FLACC1: variants seen among roughly 807,000 people sequenced by gnomAD.
The protein encoded by FLACC1 is flagellum-associated coiled-coil domain-containing protein 1.
Under a neutral mutation model 62.8 loss-of-function variants are expected in FLACC1, and 66 were observed. That is an observed-to-expected ratio of 1.05 (90% confidence interval 0.86 to 1.29). The LOEUF (loss-of-function observed/expected upper bound fraction) is 1.29, where lower values mean the gene tolerates loss of function less well. FLACC1 is among the 50% of genes most tolerant of loss of function. The pLI is 0.00. For missense variants in FLACC1, 452 were observed against 489.1 expected, an observed-to-expected ratio of 0.92 and a Z score of 0.71; for synonymous variants, 156 against 161.0, an observed-to-expected ratio of 0.97 and a Z score of 0.24.
chr2:201,309,114 C>T, intron 10 of FLACC1, 37 bp downstream of exon 10: 1 of 1,557,098 alleles, frequency 6.4e-7, no homozygotes, highest in Non-Finnish European at 8.9e-7. Flanking sequence ...TTTTTTAATG[C>T]ACTTGTCATC....
chr2:201,345,370 A>T (rs1950890396), intron 5 of FLACC1, among the ~76,000 whole-genome samples: 1 of 151,584 alleles, frequency 6.6e-6, no homozygotes, highest in South Asian at 2.1e-4. Context: ...CTCACCCTCA[A>T]CCTGAATCCC....
chr2:201,316,109 G>A (rs1950303220), intron 9 of FLACC1, among the ~76,000 whole-genome samples: 1 of 152,016 alleles, frequency 6.6e-6, no homozygotes, highest in Non-Finnish European at 1.5e-5. Flanking sequence ...AAGTCTGAAA[G>A]AGCAAAAACA....
chr2:201,348,986 G>A (rs897648954), intron 3 of FLACC1, among the ~76,000 whole-genome samples: 5 of 152,144 alleles, frequency 3.3e-5, no homozygotes, highest in Non-Finnish European at 7.3e-5. Flanking sequence ...GTGATTACAT[G>A]GGATCTGGGA....
At chr2:201,348,225 T>C (rs773578571) in intron 4 of FLACC1, 29 bp downstream of exon 4, 7 of 1,608,200 alleles carry the variant, frequency 4.4e-6, no homozygotes, top group Admixed American at 3.4e-5. Context: ...TAAATTTTAG[T>C]CCCACCGCCC....
chr2:201,354,082 G>T (rs1951075841), intron 1 of FLACC1, among the ~76,000 whole-genome samples: 1 of 152,166 alleles, frequency 6.6e-6, no homozygotes, highest in Non-Finnish European at 1.5e-5. Flanking sequence ...ATCAACCTTT[G>T]TCTCCAACAC....
chr2:201,319,985 G>T (rs1950372864), intron 9 of FLACC1, among the ~76,000 whole-genome samples: 1 of 152,182 alleles, frequency 6.6e-6, no homozygotes, highest in South Asian at 2.1e-4. Flanking sequence ...ATTACTCCTG[G>T]AATACACACC....
intron 11 of FLACC1, among the ~76,000 whole-genome samples, chr2:201,306,531 C>T (rs1255433483): frequency 6.6e-6 from 1 of 152,016 alleles, no homozygotes; most frequent in African/African-American, 2.4e-5. Context: ...ACTTCATACA[C>T]AAAAATTATT....
intron 1 of FLACC1, among the ~76,000 whole-genome samples, chr2:201,353,518 T>C (rs766566970): frequency 2.8e-4 from 43 of 152,238 alleles, no homozygotes; most frequent in Admixed American, 5.9e-4. Context: ...ATTGAGACTT[T>C]TCCTTAATGA....
chr2:201,358,659 C>T (rs2110686), upstream of FLACC1, among the ~76,000 whole-genome samples: 60,829 of 150,494 alleles, frequency 0.4, 13,078 homozygotes, highest in South Asian at 0.53. Flanking sequence ...CCTCGTGATC[C>T]GCCCGCCTCG....
chr2:201,359,194 G>A (rs1374363349), upstream of FLACC1, among the ~76,000 whole-genome samples: 1 of 152,196 alleles, frequency 6.6e-6, no homozygotes, highest in Non-Finnish European at 1.5e-5. Flanking sequence ...TTTCCAGCTC[G>A]AGCAATTGAG....
At chr2:201,311,837 A>C (rs1286541393) in intron 9 of FLACC1, among the ~76,000 whole-genome samples, 2 of 152,238 alleles carry the variant, frequency 1.3e-5, no homozygotes, top group African/African-American at 2.4e-5. Flanking sequence ...CCATATGATC[A>C]TCTCAATAGA....
At chr2:201,348,651 C>T (rs577042094) in intron 3 of FLACC1, among the ~76,000 whole-genome samples, 72 of 150,260 alleles carry the variant, frequency 4.8e-4, no homozygotes, top group African/African-American at 1.7e-3. Context: ...TACACACAAA[C>T]GGGCACACAC....
At chr2:201,351,121 C>A (rs923565068) in intron 2 of FLACC1, among the ~76,000 whole-genome samples, 171 bp downstream of exon 2, 2 of 152,202 alleles carry the variant, frequency 1.3e-5, no homozygotes, top group African/African-American at 4.8e-5. Context: ...GCAGGGCTGG[C>A]AAGATGAGGG....
intron 12 of FLACC1, 24 bp downstream of exon 12, chr2:201,299,214 A>C: frequency 6.2e-7 from 1 of 1,605,890 alleles, no homozygotes; most frequent in Non-Finnish European, 8.5e-7. Flanking sequence ...TACCAAGTCC[A>C]CAGGAAAGGA....
intron 1 of FLACC1, among the ~76,000 whole-genome samples, chr2:201,355,765 G>A (rs1273058040): frequency 6.6e-6 from 1 of 151,956 alleles, no homozygotes; most frequent in Non-Finnish European, 1.5e-5. Flanking sequence ...CAGGTGGTGC[G>A]GGAGGATCAC....
chr2:201,338,691 G>C (rs1245914213), intron 7 of FLACC1, among the ~76,000 whole-genome samples: 4 of 152,076 alleles, frequency 2.6e-5, no homozygotes, highest in Non-Finnish European at 5.9e-5. Context: ...CCTTCATTCT[G>C]TTGATGTTAT....
chr2:201,303,533 T>C (rs957520223), intron 11 of FLACC1, among the ~76,000 whole-genome samples: 1 of 152,230 alleles, frequency 6.6e-6, no homozygotes, highest in African/African-American at 2.4e-5. Context: ...CCTTTGAAAC[T>C]ATTGCAATCA....
In FLACC1 at chr2:201,326,533, G is replaced by A. The variant is rs983286326; in HGVS notation, c.675+3937C>T. Among the ~76,000 whole-genome samples the A allele has an allele frequency of 2.0e-5, 3 of 152,028 alleles. No individual in the cohort carries two copies. The highest frequency in any genetic ancestry group is 7.2e-5 in the African/African-American group (3 of 41,412). On this transcript the variant is annotated intron_variant, in intron 9 of 14. Coordinates refer to ENST00000392257, the MANE Select transcript of FLACC1 (RefSeq NM_001127391.3). The surrounding 1 kb of genome is among the most constrained non-coding windows in gnomAD (Gnocchi z 4.1). ...ACTGCTATACGCTAACAACGACCAA[G>A]CTGAGAATCAAAAAAAGAACTGATA... is the stretch of plus-strand genomic sequence containing the variant.
chr2:201,346,391 C>T lies in FLACC1; in HGVS notation c.368+151G>A. 1 of 1,042,108 alleles carries T rather than the reference C, an allele frequency of 9.6e-7. No individual in the cohort carries two copies. 64.6% of individuals were successfully genotyped at this position (1,042,108 alleles called of 1,614,324 possible). A position where few individuals can be genotyped will look rare whatever the true frequency, so the allele number is the denominator to read the frequency against. On this transcript the variant is annotated intron_variant, in intron 5 of 14. Transcript: ENST00000392257. This position sits in a 1 kb window ranked among gnomAD's most constrained non-coding sequence, Gnocchi z 4.0. ...TGTGGAGAGATGCATCATCAGGAAGCAGGGGCGAGGAGGGAGGTGCCCTTG... is the reference window on the plus strand; with the variant it reads ...TGTGGAGAGATGCATCATCAGGAAGTAGGGGCGAGGAGGGAGGTGCCCTTG...
Sources: allele counts gnomAD v4.1 joint callset (sites outside exome capture counted in the v4.1 genomes callset), GRCh38; gene constraint gnomAD v4.1.1; non-coding constraint Gnocchi (gnomAD v3.1); transcripts MANE v1.5; gene names NCBI Gene and HGNC (gene_info 2026-07-23, HGNC 2026-07-21).